JMJD1C: variants seen among roughly 807,000 people sequenced by gnomAD.
JMJD1C encodes the protein jumonji domain containing 1C.
A neutral mutation model predicts 245.3 loss-of-function variants in JMJD1C; 31 were observed. That is an observed-to-expected ratio of 0.13 (90% CI 0.09 to 0.17). The LOEUF is 0.17. Ranked by LOEUF, JMJD1C falls within the 10% of genes least tolerant of loss-of-function variation. The probability of loss-of-function intolerance (pLI) is 1.00; values close to 1 mark genes in which losing one functional copy is unlikely to be tolerated. For synonymous variants in JMJD1C, 1,057 were observed against 1,017.4 expected, an observed-to-expected ratio of 1.04 and a Z score of -0.74; for missense variants, 2,691 against 3,000.2, an observed-to-expected ratio of 0.90 and a Z score of 2.41.
At chr10:63,347,910 T>A (rs577976250) in intron 2 of JMJD1C, among the ~76,000 whole-genome samples, 2 of 151,938 alleles carry the variant, frequency 1.3e-5, no homozygotes, top group Non-Finnish European at 2.9e-5. Context: ...CAAGACTCCA[T>A]CTCAAAACAA....
chr10:63,465,131 C>G, intron 1 of JMJD1C: 1 of 292,538 alleles, frequency 3.4e-6, no homozygotes, highest in South Asian at 6.8e-5. Context: ...CATGAGTGGT[C>G]CGCCCCCTAC....
At chr10:63,288,805 G>A (rs1025910771) in intron 2 of JMJD1C, among the ~76,000 whole-genome samples, 2 of 151,602 alleles carry the variant, frequency 1.3e-5, no homozygotes, top group African/African-American at 4.8e-5. Context: ...CTTGAACCCG[G>A]GAGGCAGAGG....
At chr10:63,333,532 CAA>C (rs201343348) in intron 2 of JMJD1C, among the ~76,000 whole-genome samples, 3,762 of 150,752 alleles carry the variant, frequency 0.025, 115 homozygotes, top group African/African-American at 0.069. Context: ...GACCCTATCT[CAA>C]AAAAAAGAAA....
chr10:63,352,655 A>T (rs960930712), intron 2 of JMJD1C, among the ~76,000 whole-genome samples: 14 of 151,894 alleles, frequency 9.2e-5, no homozygotes, highest in African/African-American at 2.7e-4. Context: ...AAAAAAAAAA[A>T]AAAATTTAAA....
chr10:63,515,933 C>G (rs1955004244), intron 1 of JMJD1C, among the ~76,000 whole-genome samples: 1 of 152,104 alleles, frequency 6.6e-6, no homozygotes, highest in South Asian at 2.1e-4. Context: ...GTTTTGGAGG[C>G]ACAGGAGTTT....
chr10:63,447,168 C>T (rs1046974740), intron 1 of JMJD1C, among the ~76,000 whole-genome samples: 1 of 152,010 alleles, frequency 6.6e-6, no homozygotes, highest in Non-Finnish European at 1.5e-5. Context: ...TTAATAGTCA[C>T]ATTTTTATCA....
intron 1 of JMJD1C, among the ~76,000 whole-genome samples, chr10:63,406,497 T>C (rs1289318377): frequency 6.6e-6 from 1 of 152,066 alleles, no homozygotes; most frequent in Non-Finnish European, 1.5e-5. Flanking sequence ...ATTTGTAAGA[T>C]GGTTTAAAGG....
rs935590058 is a variant in JMJD1C at position 63,215,598 on chromosome 10, T to C, written c.777A>G (p.Thr259=). 3.1e-6 allele frequency: 5 copies of C among 1,611,644 alleles called. No individual in the cohort carries two copies. Among genetic ancestry groups the C allele is most frequent in the African/African-American group, 1.3e-5 (1 of 75,034 alleles). The part of the protein sequence containing the change: ...SLLKGENIGI[T]SRRRSRANQN... ...GATTGGCACGAGACCTGCGTCGTGA[T>C]GTAATGCCAATATTTTCACCTTTTA... Residue 259 remains threonine (T), a synonymous_variant, in exon 6 of 26, where the codon ACA becomes ACG. Coordinates refer to ENST00000399262, the MANE Select transcript of JMJD1C (RefSeq NM_032776.3).
intron 2 of JMJD1C, among the ~76,000 whole-genome samples, chr10:63,329,137 C>T (rs2134155403): frequency 6.6e-6 from 1 of 152,086 alleles, no homozygotes; most frequent in Middle Eastern, 3.4e-3. Flanking sequence ...CAAAAATTAG[C>T]CAGGCTTGGT....
chr10:63,305,512 C>CCTTT (rs1938027905), intron 2 of JMJD1C, among the ~76,000 whole-genome samples: 1 of 130,572 alleles, frequency 7.7e-6, no homozygotes, highest in Admixed American at 7.8e-5. Flanking sequence ...AAGGTCTGAC[C>CCTTT]CTCTCTCTCT....
At chr10:63,477,247 C>T (rs538809411) in intron 1 of JMJD1C, among the ~76,000 whole-genome samples, 2 of 151,518 alleles carry the variant, frequency 1.3e-5, no homozygotes, top group East Asian at 3.9e-4. Flanking sequence ...GATTCTAAAC[C>T]CAAATAAGTT....
In JMJD1C at chr10:63,507,654, A is replaced by AAAAAAAAAAAG. The variant is rs1554955177; in HGVS notation, n.113+14083_113+14084insCTTTTTTTTTT. Among the ~76,000 whole-genome samples, 7 of 150,130 alleles carry AAAAAAAAAAAG rather than the reference A, an allele frequency of 4.7e-5. 1 individual carries two copies. Among genetic ancestry groups the AAAAAAAAAAAG allele is most frequent in the East Asian group, 3.9e-4 (2 of 5,152 alleles). The stretch of plus-strand genomic sequence containing the variant: ...AGTAAGACTCTGTCTCAAAAAAAAA[A>AAAAAAAAAAAG]AAAAAAAAACAGTGGCTGTGCCACT... On this transcript the variant is annotated intron_variant and non_coding_transcript_variant, in intron 1 of 3. Transcript: ENST00000633035.
chr10:63,484,514 T>G (rs1346818892), intron 1 of JMJD1C, among the ~76,000 whole-genome samples: 1 of 152,120 alleles, frequency 6.6e-6, no homozygotes, highest in African/African-American at 2.4e-5. Context: ...TGAACTTCAA[T>G]AGTGGCCTTT....
chr10:63,326,435 A>G (rs1364796604), intron 2 of JMJD1C, among the ~76,000 whole-genome samples: 5 of 151,314 alleles, frequency 3.3e-5, no homozygotes, highest in Non-Finnish European at 5.9e-5. Context: ...TAAAGATAAT[A>G]AAATATGGTA....
At chr10:63,206,503 C>G in intron 10 of JMJD1C, 92 bp downstream of exon 10, 1 of 949,962 alleles carries the variant, frequency 1.1e-6, no homozygotes. Flanking sequence ...ACAAAGGATG[C>G]CTTTAAGCTC....
rs200862447 is a variant in JMJD1C, at chr10:63,225,988, C to CA, written c.448-6006_448-6005insT. Among the ~76,000 whole-genome samples, 839 of 151,452 alleles carry CA rather than the reference C, an allele frequency of 5.5e-3. 13 individuals are homozygous for CA. Among genetic ancestry groups the CA allele is most frequent in the African/African-American group, 0.02 (803 of 41,000 alleles). On this transcript the variant is annotated intron_variant, in intron 3 of 25. Transcript: ENST00000399262. ...AGGGCTCAGGTTCTTCTCCCCCACCCCCCCCTTCCCTCCACATACACTCTC... is the reference window on the plus strand; with the variant it reads ...AGGGCTCAGGTTCTTCTCCCCCACCCACCCCCTTCCCTCCACATACACTCTC...
chr10:63,440,672 CA>C (rs995394143), intron 1 of JMJD1C, among the ~76,000 whole-genome samples: 6 of 152,226 alleles, frequency 3.9e-5, no homozygotes, highest in Admixed American at 3.9e-4. Flanking sequence ...AGAGAACCAC[CA>C]GACTGTTGCT....
intron 1 of JMJD1C, among the ~76,000 whole-genome samples, chr10:63,521,130 C>G (rs1955208653): frequency 6.6e-6 from 1 of 152,170 alleles, no homozygotes; most frequent in African/African-American, 2.4e-5. Context: ...TGTGGGCGTC[C>G]CAAAGAGCTA....
At position 63,309,767 on chromosome 10, in the gene JMJD1C, A is replaced by C. The variant is rs561316000; in HGVS notation, c.334-45003T>G. Among the ~76,000 whole-genome samples the C allele has an allele frequency of 2.0e-5, 3 of 152,076 alleles. No individual in the cohort carries two copies. In the South Asian group the frequency reaches 6.2e-4, roughly 31 times the overall value. On this transcript the variant is annotated intron_variant, in intron 2 of 25. Transcript: ENST00000399262. ...CCCAGTCTCTACTAAAAATTCAAAA[A>C]TTAGCTGGGTGTGGTGGCGCACGCC...
Sources: gnomAD v4.1 joint callset for allele counts (sites outside exome capture counted in the v4.1 genomes callset) on GRCh38, gnomAD v4.1.1 for gene constraint, MANE v1.5 for transcripts, NCBI Gene and HGNC (gene_info 2026-07-23, HGNC 2026-07-21) for gene names.